ALK: variants seen among roughly 807,000 people sequenced by gnomAD.
ALK encodes ALK receptor tyrosine kinase, also known as ALK tyrosine kinase receptor.
In ALK, 74 loss-of-function variants were observed where a neutral mutation model predicts 163.1. The observed-to-expected ratio is 0.45, with a 90% CI of 0.38 to 0.55. The LOEUF is 0.55. Among genes scored for constraint, ALK ranks in the 20% least tolerant of loss-of-function variants. The probability of loss-of-function intolerance (pLI) is 0.00; values close to 1 mark genes in which losing one functional copy is unlikely to be tolerated. For synonymous variants in ALK, 960 were observed against 843.2 expected, an observed-to-expected ratio of 1.14 and a Z score of -2.40; for missense variants, 2,063 against 2,105.3, an observed-to-expected ratio of 0.98 and a Z score of 0.39.
intron 4 of ALK, among the ~76,000 whole-genome samples, chr2:29,488,934 G>A (rs973836448): frequency 6.6e-6 from 1 of 152,158 alleles, no homozygotes; most frequent in Non-Finnish European, 1.5e-5. Flanking sequence ...CACTGGGGGA[G>A]GGAATGGGGC....
Position 29,562,256 on chromosome 2 carries a change from T to C in ALK, c.953-30140A>G, listed in dbSNP as rs147376805. On this transcript the variant is annotated intron_variant, in intron 3 of 28. Transcript: ENST00000389048. Reference sequence around the variant, plus strand: ...AACTCAACCCTGCTGCTCTCTAATGTCCATTTATGGGTCCTAGTCCTGCCA... The same window carrying C: ...AACTCAACCCTGCTGCTCTCTAATGCCCATTTATGGGTCCTAGTCCTGCCA... Among the ~76,000 whole-genome samples, 15 of 152,350 alleles carry C rather than the reference T, an allele frequency of 9.8e-5. No homozygotes were observed. In the East Asian group the frequency reaches 2.9e-3, roughly 29 times the overall value.
chr2:29,200,843 G>A (rs12467655), intron 26 of ALK, among the ~76,000 whole-genome samples: 37,839 of 132,666 alleles, frequency 0.29, 6,376 homozygotes, highest in East Asian at 0.74. Context: ...ATATGTGTGT[G>A]TATATAGATA....
In ALK at chr2:29,500,951, T is replaced by C. The variant is rs370055614; in HGVS notation, c.1154+30964A>G. 4.6e-5 allele frequency among the ~76,000 whole-genome samples: 7 copies of C among 152,328 alleles called. 1 individual carries two copies. In the East Asian group the frequency reaches 9.6e-4, roughly 21 times the overall value. On this transcript the variant is annotated intron_variant, in intron 4 of 28. Coordinates refer to ENST00000389048, the MANE Select transcript of ALK (RefSeq NM_004304.5). The stretch of plus-strand genomic sequence containing the variant: ...CCCCACCTCCTTTCTGGCATATTCT[T>C]GTCTTCCCACTATCAGCACTTGGTC...
At chr2:29,698,459 T>C (rs1305865922) in intron 2 of ALK, among the ~76,000 whole-genome samples, 2 of 152,168 alleles carry the variant, frequency 1.3e-5, no homozygotes, top group African/African-American at 4.8e-5. Context: ...CCATCCCACA[T>C]TGACAATTAT....
intron 4 of ALK, among the ~76,000 whole-genome samples, chr2:29,516,397 C>T (rs949752895): frequency 3.9e-4 from 59 of 152,178 alleles, no homozygotes; most frequent in African/African-American, 1.4e-3. Context: ...TAGGATCCTG[C>T]CTCCCAGGTC....
chr2:29,396,945 T>C (rs1669325300), intron 4 of ALK, among the ~76,000 whole-genome samples: 2 of 145,786 alleles, frequency 1.4e-5, no homozygotes, highest in Non-Finnish European at 3.0e-5. Flanking sequence ...GCAACTGGTA[T>C]AGGGGACAAG....
At chr2:29,335,768 C>A (rs147118263) in intron 5 of ALK, among the ~76,000 whole-genome samples, 214 of 152,172 alleles carry the variant, frequency 1.4e-3, no homozygotes, top group Middle Eastern at 6.8e-3. Context: ...TTCTGGGTGC[C>A]GTGGCTTACA....
At chr2:29,423,433 T>C (rs1029390929) in intron 4 of ALK, among the ~76,000 whole-genome samples, 8 of 152,218 alleles carry the variant, frequency 5.3e-5, no homozygotes, top group Non-Finnish European at 7.3e-5. Flanking sequence ...CAGTGTCCAC[T>C]GGGGAGCGAA....
At chr2:29,346,280 G>A (rs945624788) in intron 5 of ALK, among the ~76,000 whole-genome samples, 24 of 152,102 alleles carry the variant, frequency 1.6e-4, no homozygotes, top group African/African-American at 4.3e-4. Context: ...TGAGGATTGC[G>A]TCTATTTTCA....
At chr2:29,793,144 C>T (rs1664229807) in intron 1 of ALK, among the ~76,000 whole-genome samples, 1 of 152,144 alleles carries the variant, frequency 6.6e-6, no homozygotes, top group African/African-American at 2.4e-5. Context: ...CAACAATGTT[C>T]ACAGCATCTT....
intron 1 of ALK, among the ~76,000 whole-genome samples, chr2:29,795,863 A>T (rs985682913): frequency 1.3e-5 from 2 of 152,132 alleles, no homozygotes; most frequent in Non-Finnish European, 2.9e-5. Context: ...TTATTTTTAT[A>T]ATTAGCATGA....
At chr2:29,502,274 G>A (rs189760733) in intron 4 of ALK, among the ~76,000 whole-genome samples, 11 of 152,238 alleles carry the variant, frequency 7.2e-5, no homozygotes, top group Middle Eastern at 6.8e-3. Flanking sequence ...GGCTTCTTTG[G>A]TGGTCCCCAA....
intron 4 of ALK, among the ~76,000 whole-genome samples, chr2:29,412,404 A>G (rs1399890133): frequency 6.6e-6 from 1 of 152,190 alleles, no homozygotes; most frequent in Non-Finnish European, 1.5e-5. Flanking sequence ...TCACTGTGCC[A>G]GATCATGAAG....
chr2:29,349,322 G>T (rs1032948180), intron 5 of ALK, among the ~76,000 whole-genome samples: 2 of 152,148 alleles, frequency 1.3e-5, no homozygotes, highest in Non-Finnish European at 2.9e-5. Flanking sequence ...TAGGCCACAG[G>T]CTGGGTTTTG....
intron 5 of ALK, among the ~76,000 whole-genome samples, chr2:29,364,828 G>A (rs1341853045): frequency 6.6e-6 from 1 of 152,176 alleles, no homozygotes; most frequent in Admixed American, 6.5e-5. Context: ...TTTGAGCATT[G>A]TACCATCATG....
chr2:29,240,988 C>T lies in ALK; in HGVS notation c.2205-1158G>A, dbSNP rs945843976. ...TCTTCCAAGTGTGTGAGGGGCCTCC[C>T]GGAGCTCTCACAAGGCAGAGCCCAC... On this transcript the variant is annotated intron_variant, in intron 12 of 28. Coordinates refer to ENST00000389048, the MANE Select transcript of ALK (RefSeq NM_004304.5). 3.9e-5 allele frequency among the ~76,000 whole-genome samples: 6 copies of T among 152,172 alleles called. No homozygotes were observed. The East Asian group carries it at 5.8e-4, about 15-fold the overall frequency.
intron 3 of ALK, among the ~76,000 whole-genome samples, chr2:29,547,886 T>G (rs1673597988): frequency 6.6e-6 from 1 of 152,250 alleles, no homozygotes; most frequent in South Asian, 2.1e-4. Flanking sequence ...CCCAGTTCAA[T>G]GTGCATTTCA....
chr2:29,550,797 C>T (rs1318589391), intron 3 of ALK, among the ~76,000 whole-genome samples: 1 of 152,124 alleles, frequency 6.6e-6, no homozygotes, highest in African/African-American at 2.4e-5. Context: ...TATCTGTAGT[C>T]CTACCAATTA....
chr2:29,252,026 A>T (rs1020534047), intron 11 of ALK, among the ~76,000 whole-genome samples: 20 of 152,182 alleles, frequency 1.3e-4, no homozygotes, highest in African/African-American at 4.3e-4. Context: ...GAGTATAAAA[A>T]ATGGAAAAAC....
Sources: gnomAD v4.1 joint callset for allele counts (sites outside exome capture counted in the v4.1 genomes callset) on GRCh38, gnomAD v4.1.1 for gene constraint, MANE v1.5 for transcripts, NCBI Gene and HGNC (gene_info 2026-07-23, HGNC 2026-07-21) for gene names.